The following SRRM4 variants were observed in gnomAD, a reference collection of about 807,000 sequenced individuals.
SRRM4 encodes the protein serine/arginine repetitive matrix protein 4.
Under a neutral mutation model 68.9 loss-of-function variants are expected in SRRM4, and 33 were observed. The ratio of observed to expected loss-of-function variants is 0.48; its 90% CI spans 0.36 to 0.64. The LOEUF (loss-of-function observed/expected upper bound fraction) is 0.64, where lower values mean the gene tolerates loss of function less well. SRRM4 is among the 30% of genes least tolerant of loss of function. The probability of loss-of-function intolerance (pLI) is 0.00; values close to 1 mark genes in which losing one functional copy is unlikely to be tolerated. For synonymous variants in SRRM4, 318 were observed against 318.8 expected, an observed-to-expected ratio of 1.00 and a Z score of 0.03; for missense variants, 817 against 827.1, an observed-to-expected ratio of 0.99 and a Z score of 0.15.
chr12:118,999,733 A>G (rs2135992676), intron 1 of SRRM4, among the ~76,000 whole-genome samples: 1 of 152,316 alleles, frequency 6.6e-6, no homozygotes, highest in African/African-American at 2.4e-5. Context: ...AATTGAACTC[A>G]GAGAGGTCAA....
intron 6 of SRRM4, among the ~76,000 whole-genome samples, chr12:119,123,360 G>A (rs1954235242): frequency 6.6e-6 from 1 of 152,098 alleles, no homozygotes; most frequent in African/African-American, 2.4e-5. Context: ...ACAATTATTG[G>A]CCACGTGTAT....
At chr12:119,051,697 T>C (rs1303412031) in intron 1 of SRRM4, among the ~76,000 whole-genome samples, 2 of 152,188 alleles carry the variant, frequency 1.3e-5, no homozygotes, top group Non-Finnish European at 2.9e-5. Flanking sequence ...CACTGATAAG[T>C]CCTGCAGCAA....
intron 1 of SRRM4, among the ~76,000 whole-genome samples, chr12:119,026,176 T>C (rs947495081): frequency 6.6e-6 from 1 of 151,882 alleles, no homozygotes; most frequent in Non-Finnish European, 1.5e-5. Context: ...GCAATTTATG[T>C]CATGAAAAAA....
At chr12:119,030,501 C>CG in intron 1 of SRRM4, among the ~76,000 whole-genome samples, 1 of 151,770 alleles carries the variant, frequency 6.6e-6, no homozygotes, top group South Asian at 2.1e-4. Flanking sequence ...TTTTTGATTA[C>CG]AAAAAAAAGT....
intron 1 of SRRM4, among the ~76,000 whole-genome samples, chr12:119,072,122 G>T (rs976969352): frequency 5.9e-5 from 9 of 152,334 alleles, no homozygotes; most frequent in African/African-American, 2.2e-4. Context: ...GCTGTCATGA[G>T]GACAAAAGGA....
At chr12:119,066,646 G>A (rs2136024181) in intron 1 of SRRM4, among the ~76,000 whole-genome samples, 1 of 152,302 alleles carries the variant, frequency 6.6e-6, no homozygotes, top group South Asian at 2.1e-4. Flanking sequence ...TAGAAATGTT[G>A]CTTCCTTAGG....
intron 1 of SRRM4, among the ~76,000 whole-genome samples, chr12:119,011,119 C>T (rs1397164481): frequency 6.6e-6 from 1 of 151,990 alleles, no homozygotes; most frequent in Admixed American, 6.5e-5. Flanking sequence ...ATCTCTGTGA[C>T]TACATATTTA....
At chr12:119,046,312 C>T (rs1003816611) in intron 1 of SRRM4, among the ~76,000 whole-genome samples, 1 of 152,092 alleles carries the variant, frequency 6.6e-6, no homozygotes, top group African/African-American at 2.4e-5. Flanking sequence ...GATCTCTTGG[C>T]CTCTATCCAC....
chr12:119,043,607 T>A (rs1381099989), intron 1 of SRRM4, among the ~76,000 whole-genome samples: 7 of 151,556 alleles, frequency 4.6e-5, no homozygotes, highest in African/African-American at 1.7e-4. Flanking sequence ...GTTTAGGAAG[T>A]CCTAGGAGAC....
chr12:119,088,916 T>C (rs1953996477), intron 1 of SRRM4, among the ~76,000 whole-genome samples: 1 of 152,216 alleles, frequency 6.6e-6, no homozygotes, highest in Non-Finnish European at 1.5e-5. Context: ...AGGAATGGTG[T>C]TAAGCACTTT....
intron 1 of SRRM4, among the ~76,000 whole-genome samples, chr12:119,039,801 C>G (rs1213070439): frequency 6.6e-6 from 1 of 152,108 alleles, no homozygotes; most frequent in Non-Finnish European, 1.5e-5. Context: ...CCTTTGATAC[C>G]TGGGCTAAAT....
chr12:119,096,543 A>G (rs1954045630), intron 1 of SRRM4, among the ~76,000 whole-genome samples: 1 of 152,184 alleles, frequency 6.6e-6, no homozygotes, highest in African/African-American at 2.4e-5. Context: ...TGCTGTGATG[A>G]TCAAGTGATG....
chr12:118,990,345 T>G (rs978232137), intron 1 of SRRM4, among the ~76,000 whole-genome samples: 5 of 152,062 alleles, frequency 3.3e-5, no homozygotes, highest in Non-Finnish European at 4.4e-5. Flanking sequence ...CGTCCGGAGG[T>G]TCTTACTATT....
chr12:119,102,895 A>G (rs1954085442), intron 2 of SRRM4, among the ~76,000 whole-genome samples: 1 of 152,212 alleles, frequency 6.6e-6, no homozygotes, highest in South Asian at 2.1e-4. Context: ...ACACAAATGC[A>G]GAGAGCACTG....
chr12:118,982,683 T>TG lies in SRRM4; in HGVS notation c.131+670_131+671insG, dbSNP rs1555212622. 5.6e-4 allele frequency among the ~76,000 whole-genome samples: 76 copies of TG among 135,272 alleles called. 1 individual carries two copies. Among genetic ancestry groups the TG allele is most frequent in the African/African-American group, 9.9e-4 (35 of 35,426 alleles). 88.7% of individuals were successfully genotyped at this position (135,272 alleles called of 152,430 possible). On this transcript the variant is annotated intron_variant, in intron 1 of 12. Coordinates refer to ENST00000267260, the MANE Select transcript of SRRM4 (RefSeq NM_194286.4). ...AGTTTTATTTTGTTTTTTTTTGTTTTTTTTTTTTTTTTCCAAAAAGAATCT... is the reference window on the plus strand; with the variant it reads ...AGTTTTATTTTGTTTTTTTTTGTTTTGTTTTTTTTTTTTCCAAAAAGAATCT...
At chr12:119,108,734 T>C (rs1308252607) in intron 2 of SRRM4, among the ~76,000 whole-genome samples, 1 of 152,288 alleles carries the variant, frequency 6.6e-6, no homozygotes, top group Admixed American at 6.5e-5. Context: ...GAGATGGGTC[T>C]CTTGAATACA....
intron 2 of SRRM4, among the ~76,000 whole-genome samples, chr12:119,103,717 A>T (rs945532623): frequency 1.3e-5 from 2 of 152,214 alleles, no homozygotes; most frequent in African/African-American, 4.8e-5. Flanking sequence ...CTTTTAAAAC[A>T]TTGGGCCAGG....
At chr12:119,067,221 A>G (rs1452724329) in intron 1 of SRRM4, among the ~76,000 whole-genome samples, 2 of 151,924 alleles carry the variant, frequency 1.3e-5, no homozygotes, top group Non-Finnish European at 2.9e-5. Context: ...GGCAGAAACC[A>G]TATCTGTTTT....
chr12:119,029,316 T>G (rs1953571307), intron 1 of SRRM4, among the ~76,000 whole-genome samples: 1 of 152,192 alleles, frequency 6.6e-6, no homozygotes. Context: ...GCGCTGGGTA[T>G]GCTAAGCCCT....
Sources: allele counts gnomAD v4.1 joint callset (sites outside exome capture counted in the v4.1 genomes callset), GRCh38; gene constraint gnomAD v4.1.1; transcripts MANE v1.5; gene names NCBI Gene and HGNC (gene_info 2026-07-23, HGNC 2026-07-21).